The following NRP1 variants were observed in gnomAD, a reference collection of about 807,000 sequenced individuals.
The protein encoded by NRP1 is neuropilin 1.
Under a neutral mutation model 106.7 loss-of-function variants are expected in NRP1, and 35 were observed. That is an observed-to-expected ratio of 0.33 (90% CI 0.25 to 0.43). The LOEUF (loss-of-function observed/expected upper bound fraction) is 0.43. Ranked by LOEUF, NRP1 falls within the 20% of genes least tolerant of loss-of-function variation. The pLI, the probability that NRP1 is intolerant of heterozygous loss-of-function variation, is 1.00. For synonymous variants in NRP1, 437 were observed against 417.9 expected (o/e 1.05, Z -0.56); for missense variants, 1,024 against 1,170.4 (o/e 0.87, Z 1.83).
intron 2 of NRP1, among the ~76,000 whole-genome samples, chr10:33,323,311 C>A (rs899866979): frequency 6.6e-6 from 1 of 151,790 alleles, no homozygotes; most frequent in East Asian, 1.9e-4. Context: ...AAGAAAAAAA[C>A]AACATGTTGA....
At chr10:33,279,769 G>C (rs1443360987) in intron 2 of NRP1, among the ~76,000 whole-genome samples, 1 of 152,166 alleles carries the variant, frequency 6.6e-6, no homozygotes, top group African/African-American at 2.4e-5. Context: ...AGCTGTGATA[G>C]GTACTGAAGG....
Position 33,256,334 on chromosome 10 carries a change from G to A in NRP1, c.796C>T (p.Gln266Ter). The A allele has an allele frequency of 6.2e-7, 1 of 1,614,194 alleles. No individual in the cohort carries two copies. Among genetic ancestry groups the A allele is most frequent in the East Asian group, 2.2e-5 (1 of 44,886 alleles). Residue 266 changes from glutamine to a stop codon, truncating the protein, a stop_gained, in exon 5 of 17, where the codon CAG becomes TAG. Transcript: ENST00000374867. LOFTEE classifies it high-confidence loss of function. ...CACTGACCTTCTGAGACACTGCTCTGCAAGACACTGTAGTTTGCTGAGAAA... is the reference window on the plus strand; with the variant it reads ...CACTGACCTTCTGAGACACTGCTCTACAAGACACTGTAGTTTGCTGAGAAA... ...EGFSANYSVLQSSVSEDFKCM... is the reference protein window; with the variant it reads ...EGFSANYSVL
At chr10:33,191,601 T>G (rs1033771857) in intron 13 of NRP1, among the ~76,000 whole-genome samples, 2 of 152,118 alleles carry the variant, frequency 1.3e-5, no homozygotes, top group Non-Finnish European at 2.9e-5. Context: ...TGAAGCAGGG[T>G]CGTGCACATA....
chr10:33,334,249 C>G (rs1848475011), intron 1 of NRP1, 61 bp downstream of exon 1: 7 of 1,474,576 alleles, frequency 4.7e-6, no homozygotes, highest in South Asian at 2.4e-5. Flanking sequence ...GAGCCCCGGT[C>G]CGGGGCGGGC....
At chr10:33,244,435 T>C (rs1466455345) in intron 6 of NRP1, among the ~76,000 whole-genome samples, 2 of 152,238 alleles carry the variant, frequency 1.3e-5, no homozygotes, top group Non-Finnish European at 2.9e-5. Context: ...TCTGTGCATG[T>C]TATGGATTTC....
At chr10:33,242,290 T>A (rs1841085801) in intron 6 of NRP1, among the ~76,000 whole-genome samples, 2 of 152,330 alleles carry the variant, frequency 1.3e-5, no homozygotes, top group Non-Finnish European at 2.9e-5. Flanking sequence ...ACGTGGTAAA[T>A]GATTGTTAAA....
chr10:33,302,210 G>A (rs937635314), intron 2 of NRP1, among the ~76,000 whole-genome samples: 3 of 152,204 alleles, frequency 2.0e-5, no homozygotes, highest in African/African-American at 4.8e-5. Flanking sequence ...GCATTTTAAT[G>A]TCATTATCCC....
chr10:33,256,349 T>G lies in NRP1; in HGVS notation c.781A>C (p.Asn261His). 6.2e-7 allele frequency: 1 copy of G among 1,614,218 alleles called. No individual in the cohort carries two copies. The highest frequency in any genetic ancestry group is 1.6e-4 in the Middle Eastern group (1 of 6,062). The change falls in exon 5 of 17, where the codon AAC becomes CAC. Residue 261 changes from asparagine to histidine, a missense_variant. Transcript: ENST00000374867. The part of the protein sequence containing the change: ...SAIAKEGFSA[N>H]YSVLQSSVSE... ...ACACTGCTCTGCAAGACACTGTAGT[T>G]TGCTGAGAAACCTTCTTTTGCTATC...
intron 2 of NRP1, among the ~76,000 whole-genome samples, chr10:33,313,166 A>G (rs1846732648): frequency 5.3e-5 from 8 of 152,238 alleles, no homozygotes; most frequent in Admixed American, 5.2e-4. Context: ...GCAATTCCTT[A>G]GAATAAATTT....
chr10:33,244,028 T>A (rs1253196827), intron 6 of NRP1, among the ~76,000 whole-genome samples: 1 of 151,640 alleles, frequency 6.6e-6, no homozygotes. Context: ...CTGACGTGGA[T>A]CAAAATTGCC....
intron 15 of NRP1, among the ~76,000 whole-genome samples, chr10:33,185,067 C>A (rs530788151): frequency 1.3e-5 from 2 of 152,272 alleles, no homozygotes; most frequent in South Asian, 4.1e-4. Flanking sequence ...GTACAAGACC[C>A]ATAAAGACCA....
chr10:33,256,651 T>G (rs1294228179), intron 4 of NRP1, among the ~76,000 whole-genome samples, 180 bp from the exon 5 acceptor site: 2 of 152,188 alleles, frequency 1.3e-5, no homozygotes, highest in African/African-American at 4.8e-5. Flanking sequence ...CGGAGAAGAT[T>G]TTAAAGTGTA....
intron 2 of NRP1, among the ~76,000 whole-genome samples, chr10:33,293,002 C>T (rs985945430): frequency 6.6e-6 from 1 of 151,696 alleles, no homozygotes; most frequent in Non-Finnish European, 1.5e-5. Flanking sequence ...AAAAAAAGCC[C>T]GCCAATGAAA....
chr10:33,220,180 T>C (rs1215977654), intron 8 of NRP1, among the ~76,000 whole-genome samples: 7 of 152,206 alleles, frequency 4.6e-5, no homozygotes, highest in Admixed American at 4.6e-4. Context: ...AACTCTACTA[T>C]AAACAAGTAT....
chr10:33,204,876 C>T (rs892564413), intron 10 of NRP1, among the ~76,000 whole-genome samples: 9 of 152,000 alleles, frequency 5.9e-5, no homozygotes, highest in African/African-American at 1.2e-4. Context: ...GGATTACAGG[C>T]GCCCACCAAC....
intron 2 of NRP1, among the ~76,000 whole-genome samples, chr10:33,299,113 T>C (rs1845619746): frequency 1.3e-5 from 2 of 152,142 alleles, no homozygotes; most frequent in South Asian, 4.2e-4. Context: ...TTGCTCAAGG[T>C]CACAGAGGAA....
intron 2 of NRP1, among the ~76,000 whole-genome samples, chr10:33,287,345 T>C (rs118046682): frequency 2.6e-4 from 39 of 152,350 alleles, no homozygotes; most frequent in Non-Finnish European, 4.9e-4. Flanking sequence ...CAATTTTCCA[T>C]ACAAATGGTA....
chr10:33,264,395 C>G (rs912120919), intron 3 of NRP1, among the ~76,000 whole-genome samples: 1 of 152,138 alleles, frequency 6.6e-6, no homozygotes, highest in Non-Finnish European at 1.5e-5. Context: ...AAAGGTAATT[C>G]GTACATGTAC....
rs887531204 is a variant in NRP1, at chr10:33,180,155, T to C, written c.2693A>G (p.Asn898Ser). Reference sequence around the variant, plus strand: ...ACCATCCACAAGTTCAAAGTTATAGTTCTCCAGGGCAGACAAGTTTCTTTC... The same window carrying C: ...ACCATCCACAAGTTCAAAGTTATAGCTCTCCAGGGCAGACAAGTTTCTTTC... Reference protein sequence around the residue: ...MSERNLSALENYNFELVDGVK... With the variant: ...MSERNLSALESYNFELVDGVK... Residue 898 changes from asparagine (N) to serine (S), a missense_variant, in exon 17 of 17, where the codon AAC becomes AGC. Transcript: ENST00000374867. The C allele has an allele frequency of 1.2e-6, 2 of 1,614,194 alleles. No homozygotes were observed. The highest frequency in any genetic ancestry group is 1.1e-5 in the South Asian group (1 of 91,076).
Sources: allele counts gnomAD v4.1 joint callset (sites outside exome capture counted in the v4.1 genomes callset), GRCh38; gene constraint gnomAD v4.1.1; transcripts MANE v1.5; gene names NCBI Gene and HGNC (gene_info 2026-07-23, HGNC 2026-07-21).